Variants in CCSER2 observed in about 807,000 individuals in gnomAD.
The protein encoded by CCSER2 is serine-rich coiled-coil domain-containing protein 2.
In CCSER2, 46 loss-of-function variants were observed where a neutral mutation model predicts 92.3. The observed-to-expected ratio is 0.50, with a 90% CI of 0.39 to 0.64. CCSER2 has a LOEUF of 0.64. Among genes scored for constraint, CCSER2 ranks in the 30% least tolerant of loss-of-function variants. The pLI is 0.00. For missense variants in CCSER2, 1,244 were observed against 1,238.9 expected, an observed-to-expected ratio of 1.00 and a Z score of -0.06; for synonymous variants, 433 against 431.4, an observed-to-expected ratio of 1.00 and a Z score of -0.04.
chr10:84,380,195 G>A (rs1564615394), intron 3 of CCSER2, among the ~76,000 whole-genome samples: 1 of 152,186 alleles, frequency 6.6e-6, no homozygotes, highest in Non-Finnish European at 1.5e-5. Flanking sequence ...TCTGGTGAGT[G>A]TGAGATGATA....
intron 6 of CCSER2, among the ~76,000 whole-genome samples, chr10:84,461,606 G>GT (rs1470884715): frequency 1.3e-5 from 2 of 148,920 alleles, no homozygotes; most frequent in African/African-American, 2.5e-5. Context: ...TAAAATTTTG[G>GT]TTTTTGACTC....
At chr10:84,483,050 A>G (rs895589590) in intron 9 of CCSER2, among the ~76,000 whole-genome samples, 2 of 152,222 alleles carry the variant, frequency 1.3e-5, no homozygotes, top group African/African-American at 4.8e-5. Context: ...TATATAAAAG[A>G]TATGCATATG....
chr10:84,390,445 T>C (rs1841457657), intron 3 of CCSER2, among the ~76,000 whole-genome samples: 1 of 152,214 alleles, frequency 6.6e-6, no homozygotes, highest in South Asian at 2.1e-4. Context: ...GATACAAACC[T>C]GTATAGCATG....
intron 9 of CCSER2, among the ~76,000 whole-genome samples, chr10:84,494,221 T>C (rs1479689429): frequency 3.3e-5 from 5 of 152,156 alleles, no homozygotes; most frequent in South Asian, 2.1e-4. Context: ...TGATGTAGGG[T>C]AACTTCCAGA....
intron 3 of CCSER2, among the ~76,000 whole-genome samples, chr10:84,375,499 A>C (rs955731079): frequency 6.7e-6 from 1 of 150,060 alleles, no homozygotes; most frequent in African/African-American, 2.4e-5. Context: ...GTTTTGTATA[A>C]ATTTTAGGCG....
chr10:84,413,070 A>G (rs2133371338), intron 3 of CCSER2, among the ~76,000 whole-genome samples: 1 of 142,112 alleles, frequency 7.0e-6, no homozygotes, highest in East Asian at 2.1e-4. Flanking sequence ...TGTCTATTTT[A>G]TTAATTTTTT....
At chr10:84,485,013 T>TA (rs1446201986) in intron 9 of CCSER2, among the ~76,000 whole-genome samples, 1 of 152,238 alleles carries the variant, frequency 6.6e-6, no homozygotes, top group Non-Finnish European at 1.5e-5. Flanking sequence ...TACCAGATAC[T>TA]AGAACTATAG....
chr10:84,422,915 C>T (rs1843223961), intron 4 of CCSER2, among the ~76,000 whole-genome samples: 1 of 151,928 alleles, frequency 6.6e-6, no homozygotes, highest in Non-Finnish European at 1.5e-5. Flanking sequence ...ATTAGCCAGG[C>T]GTGGTGATGT....
At chr10:84,480,073 C>A (rs1033952262) in intron 9 of CCSER2, among the ~76,000 whole-genome samples, 3 of 152,112 alleles carry the variant, frequency 2.0e-5, no homozygotes, top group African/African-American at 7.2e-5. Flanking sequence ...GAGACAGGGT[C>A]TTGGTCTGTC....
In CCSER2 at chr10:84,421,535, T is replaced by G. The variant is rs571187551; in HGVS notation, c.1705+3674T>G. Among the ~76,000 whole-genome samples, 4 of 152,208 alleles carry G rather than the reference T, an allele frequency of 2.6e-5. No individual in the cohort carries two copies. The East Asian group carries it at 5.8e-4, about 22-fold the overall frequency. On this transcript the variant is annotated intron_variant, in intron 4 of 9. Transcript: ENST00000372088. ...ATGAGAACTCACTATCACCAGAACA[T>G]CATGGAGGAAACTGCCCCCATGATT...
chr10:84,347,135 A>G lies in CCSER2; in HGVS notation c.-40+18327A>G, dbSNP rs866903575. Among the ~76,000 whole-genome samples the G allele has an allele frequency of 5.5e-4, 83 of 152,270 alleles. 1 individual carries two copies. In the Middle Eastern group the frequency reaches 0.02, roughly 37 times the overall value. On this transcript the variant is annotated intron_variant, in intron 1 of 9. Transcript: ENST00000372088. ...ATCAACAGCATCCCAAGGCAGAATA[A>G]TTTTTCTTAGTACAGAACAAAATGA...
chr10:84,470,459 G>A lies in CCSER2; in HGVS notation c.2235+1G>A. 7.1e-7 allele frequency: 1 copy of A among 1,416,800 alleles called. No homozygotes were observed. Among genetic ancestry groups the A allele is most frequent in the Non-Finnish European group, 9.4e-7 (1 of 1,065,622 alleles). 87.8% of individuals were successfully genotyped at this position (1,416,800 alleles called of 1,614,324 possible). ...GATCCAACTATTAGAACTTCAGCTT[G>A]TAAGTATTGTAGTATAATGTATAGA... On this transcript the variant is annotated splice_donor_variant, in intron 8 of 9. Coordinates refer to ENST00000372088, the MANE Select transcript of CCSER2 (RefSeq NM_001284240.2). LOFTEE classifies it high-confidence loss of function.
At chr10:84,389,449 A>C (rs76269639) in intron 3 of CCSER2, 2 of 421,336 alleles carry the variant, frequency 4.7e-6, no homozygotes, top group Non-Finnish European at 9.4e-6. Context: ...GTACCACGTC[A>C]ATCTGGGCCT....
intron 9 of CCSER2, among the ~76,000 whole-genome samples, chr10:84,510,314 G>A (rs903076075): frequency 2.6e-5 from 4 of 152,050 alleles, no homozygotes; most frequent in East Asian, 1.9e-4. Flanking sequence ...GATTGTTCGC[G>A]GTTCTGGAAT....
At chr10:84,334,927 AAG>A (rs1360824261) in intron 1 of CCSER2, among the ~76,000 whole-genome samples, 1 of 152,172 alleles carries the variant, frequency 6.6e-6, no homozygotes, top group Non-Finnish European at 1.5e-5. Flanking sequence ...GGAAAGGGAA[AAG>A]AGAAAAAGCA....
intron 5 of CCSER2, among the ~76,000 whole-genome samples, chr10:84,426,288 C>T (rs1241617681): frequency 6.6e-6 from 1 of 152,130 alleles, no homozygotes. Flanking sequence ...AAAAATTCCA[C>T]AAGTACCATT....
In CCSER2 at chr10:84,514,068, G is replaced by C; in HGVS notation, c.2945G>C (p.Arg982Pro). Residue 982 changes from arginine to proline, a missense_variant, in exon 10 of 10, where the codon CGC (arginine) becomes CCC (proline). By Grantham distance (103) the Arg-to-Pro change is moderately radical (BLOSUM62 -2). Transcript: ENST00000372088. ...NNQNLKASKL[R>P]PPSGSFKQKQ... ...CAGAATCTGAAAGCATCTAAGCTCC[G>C]CCCCCCCTCAGGCTCTTTCAAACAA... is the stretch of plus-strand genomic sequence containing the variant. 1.3e-6 allele frequency: 2 copies of C among 1,535,920 alleles called. No individual in the cohort carries two copies. Among genetic ancestry groups the C allele is most frequent in the South Asian group, 1.2e-5 (1 of 84,028 alleles).
intron 3 of CCSER2, 153 bp downstream of exon 3, chr10:84,373,968 C>T: frequency 7.1e-7 from 1 of 1,418,018 alleles, no homozygotes; most frequent in African/African-American, 1.4e-5. Context: ...AAATATCTGA[C>T]TCTAATATGA....
chr10:84,472,546 T>C (rs975776266), intron 8 of CCSER2, among the ~76,000 whole-genome samples: 14 of 152,168 alleles, frequency 9.2e-5, no homozygotes, highest in African/African-American at 3.4e-4. Flanking sequence ...CACTTCAGCC[T>C]GGGTGACAGA....
Sources: gnomAD v4.1 joint callset for allele counts (sites outside exome capture counted in the v4.1 genomes callset) on GRCh38, gnomAD v4.1.1 for gene constraint, MANE v1.5 for transcripts, NCBI Gene and HGNC (gene_info 2026-07-23, HGNC 2026-07-21) for gene names.